BRCA2: variants seen among roughly 807,000 people sequenced by gnomAD.
The protein encoded by BRCA2 is breast cancer type 2 susceptibility protein.
A neutral mutation model predicts 276.7 loss-of-function variants in BRCA2; 203 were observed. The ratio of observed to expected loss-of-function variants is 0.73; its 90% CI spans 0.65 to 0.82. The LOEUF (loss-of-function observed/expected upper bound fraction) is 0.82, where lower values mean the gene tolerates loss of function less well. BRCA2 is among the 40% of genes least tolerant of loss of function. The probability of loss-of-function intolerance (pLI) is 0.00; values close to 1 mark genes in which losing one functional copy is unlikely to be tolerated. For missense variants in BRCA2, 3,920 were observed against 3,915.0 expected, an observed-to-expected ratio of 1.00 and a Z score of -0.03; for synonymous variants, 1,289 against 1,338.4, an observed-to-expected ratio of 0.96 and a Z score of 0.81.
intron 24 of BRCA2, among the ~76,000 whole-genome samples, chr13:32,382,197 C>G (rs1488250986): frequency 1.3e-5 from 2 of 152,056 alleles, no homozygotes; most frequent in Non-Finnish European, 2.9e-5. Flanking sequence ...CGTGATCCAC[C>G]CACCTTGGCC....
At position 32,398,793 on chromosome 13, in the gene BRCA2, A is replaced by C. The variant is rs796333934; in HGVS notation, c.*23A>C. ...TAAGCATTTGCAAAGGCGACAATAA[A>C]TTATTGACGCTTAACCTTTCCAGTT... On this transcript the variant is annotated 3_prime_UTR_variant, in exon 27 of 27. Transcript: ENST00000380152. 1.9e-6 allele frequency: 3 copies of C among 1,611,596 alleles called. No individual in the cohort carries two copies. Among genetic ancestry groups the C allele is most frequent in the Non-Finnish European group, 1.7e-6 (2 of 1,179,164 alleles).
intron 13 of BRCA2, among the ~76,000 whole-genome samples, chr13:32,351,949 G>C (rs575692110): frequency 3.0e-4 from 45 of 152,162 alleles, no homozygotes; most frequent in South Asian, 6.2e-4. Flanking sequence ...TTACAGGCGC[G>C]TGCCACCATG....
chr13:32,351,268 C>G (rs2072648682), intron 13 of BRCA2, among the ~76,000 whole-genome samples: 2 of 152,080 alleles, frequency 1.3e-5, no homozygotes, highest in Non-Finnish European at 2.9e-5. Flanking sequence ...AGCAAGACCA[C>G]GAACCCACCA....
chr13:32,315,930 T>C (rs1593880114), intron 1 of BRCA2, among the ~76,000 whole-genome samples: 1 of 152,300 alleles, frequency 6.6e-6, no homozygotes, highest in East Asian at 1.9e-4. Context: ...AAGACTTAAC[T>C]TCCCTCCCAG....
intron 4 of BRCA2, 105 bp downstream of exon 4, chr13:32,325,289 G>A (rs916691713): frequency 2.1e-5 from 18 of 850,028 alleles, no homozygotes; most frequent in Non-Finnish European, 3.3e-5. Context: ...TTGGCTAAGA[G>A]CCTGGTAGAA....
intron 20 of BRCA2, among the ~76,000 whole-genome samples, chr13:32,372,468 G>C (rs1333256162): frequency 6.6e-6 from 1 of 152,144 alleles, no homozygotes; most frequent in Admixed American, 6.5e-5. Flanking sequence ...GGCAAAGCAA[G>C]TACCCTTTTC....
Position 32,338,791 on chromosome 13 carries a change from G to A in BRCA2, c.4436G>A (p.Ser1479Asn), listed in dbSNP as rs80358678. The A allele has an allele frequency of 6.2e-7, 1 of 1,613,034 alleles. No individual in the cohort carries two copies. The highest frequency in any genetic ancestry group is 2.2e-5 in the East Asian group (1 of 44,876). ...DIRKNKMDIL[S>N]YEETDIVKHK... ...AGAAAGAACAAAATGGACATTCTAAGTTATGAGGAAACAGACATAGTTAAA... is the reference window on the plus strand; with the variant it reads ...AGAAAGAACAAAATGGACATTCTAAATTATGAGGAAACAGACATAGTTAAA... The change falls in exon 11 of 27, where the codon AGT (serine) becomes AAT (asparagine). Residue 1479 changes from serine to asparagine, a missense_variant. Coordinates refer to ENST00000380152, the MANE Select transcript of BRCA2 (RefSeq NM_000059.4).
chr13:32,394,579 A>G (rs1272086814), intron 24 of BRCA2, 110 bp from the exon 25 acceptor site: 3 of 1,332,632 alleles, frequency 2.3e-6, no homozygotes, highest in Non-Finnish European at 3.1e-6. Flanking sequence ...ATTTGCTTTT[A>G]TTATTAGCAT....
At chr13:32,335,144 G>A (rs1172024525) in intron 10 of BRCA2, among the ~76,000 whole-genome samples, 1 of 149,894 alleles carries the variant, frequency 6.7e-6, no homozygotes, top group Non-Finnish European at 1.5e-5. Context: ...AAGAGTTCAA[G>A]ACCAGCCTGG....
rs587782583 is a variant in BRCA2, at chr13:32,339,979, A to G, written c.5624A>G (p.Lys1875Arg). ...ACAGACAGTTTCAGTAAAGTAATTAAGGAAAACAACGAGAATAAATCAAAA... is the reference window on the plus strand; with the variant it reads ...ACAGACAGTTTCAGTAAAGTAATTAGGGAAAACAACGAGAATAAATCAAAA... ...IFTDSFSKVI[K>R]ENNENKSKIC... Residue 1875 changes from lysine to arginine, a missense_variant, in exon 11 of 27, where the codon AAG becomes AGG. By Grantham distance (26) the Lys-to-Arg change is conservative. Coordinates refer to ENST00000380152, the MANE Select transcript of BRCA2 (RefSeq NM_000059.4). 2 of 1,611,348 alleles carry G rather than the reference A, an allele frequency of 1.2e-6. No homozygotes were observed. Among genetic ancestry groups the G allele is most frequent in the Non-Finnish European group, 1.7e-6 (2 of 1,179,168 alleles).
rs80359253 is a variant in BRCA2, at chr13:32,332,470, A to T, written c.992A>T (p.Lys331Ile). ...QKVRTSKTRK[K>I]IFHEANADEC... The stretch of plus-strand genomic sequence containing the variant: ...GTAAGAACTAGCAAGACTAGGAAAA[A>T]AATTTTCCATGAAGCAAACGCTGAT... The change falls in exon 10 of 27, where the codon AAA (lysine) becomes ATA (isoleucine). Residue 331 changes from lysine to isoleucine, a missense_variant. This residue lies in a region of BRCA2 where 3,263 missense variants were observed against 3,156.9 expected (regional missense o/e 1.03). Transcript: ENST00000380152. 2 of 1,594,628 alleles carry T rather than the reference A, an allele frequency of 1.3e-6. No individual in the cohort carries two copies. Among genetic ancestry groups the T allele is most frequent in the Non-Finnish European group, 8.5e-7 (1 of 1,174,782 alleles).
In BRCA2 at chr13:32,376,529, A is replaced by G. The variant is rs566707999; in HGVS notation, c.8633-141A>G. 5 of 994,196 alleles carry G rather than the reference A, an allele frequency of 5.0e-6. No individual in the cohort carries two copies. The South Asian group carries it at 6.3e-5, about 13-fold the overall frequency. 61.6% of individuals were successfully genotyped at this position (994,196 alleles called of 1,614,324 possible). ...AGAGTGAGACCCTGTCTCAAAAAAA[A>G]AAAAAAGAAAAAACTTTTAGCAGTT... is the stretch of plus-strand genomic sequence containing the variant. On this transcript the variant is annotated intron_variant, in intron 20 of 26. Transcript: ENST00000380152.
chr13:32,334,661 G>A lies in BRCA2; in HGVS notation c.1909+1274G>A, dbSNP rs570682691. 1.2e-3 allele frequency among the ~76,000 whole-genome samples: 181 copies of A among 146,792 alleles called. 2 individuals carry two copies. Among genetic ancestry groups the A allele is most frequent in the African/African-American group, 4.3e-3 (170 of 39,662 alleles). ...TGCACTCCAGCCTGGGCCACAAAAT[G>A]AGACCTTGTCCCTGAAAAAAAAAAA... On this transcript the variant is annotated intron_variant, in intron 10 of 26. Transcript: ENST00000380152.
intron 24 of BRCA2, among the ~76,000 whole-genome samples, chr13:32,382,427 T>C (rs2072930721): frequency 2.6e-5 from 4 of 151,610 alleles, no homozygotes; most frequent in Non-Finnish European, 2.9e-5. Flanking sequence ...GCCAGAGAGG[T>C]TGGAGGAATA....
rs1555284357 is a variant in BRCA2, at chr13:32,340,044, T to C, written c.5689T>C (p.Leu1897=). Residue 1897 remains leucine (L), a synonymous_variant, in exon 11 of 27, where the codon TTG becomes CTG. Transcript: ENST00000380152. ...AATTATGGCAGGTTGTTACGAGGCA[T>C]TGGATGATTCAGAGGATATTCTTCA... The part of the protein sequence containing the change: ...TKIMAGCYEA[L]DDSEDILHNS... The C allele has an allele frequency of 1.2e-6, 2 of 1,613,686 alleles. No individual in the cohort carries two copies. Among genetic ancestry groups the C allele is most frequent in the Non-Finnish European group, 1.7e-6 (2 of 1,179,822 alleles).
Position 32,398,590 on chromosome 13 carries a change from A to G in BRCA2, c.10077A>G (p.Glu3359=). The change falls in exon 27 of 27, where the codon GAA becomes GAG. Residue 3359 remains glutamate, a synonymous_variant. Coordinates refer to ENST00000380152, the MANE Select transcript of BRCA2 (RefSeq NM_000059.4). ...TQALLSGSTG[E]KQFISVSEST... ...CTCTTTTGTCTGGTTCAACAGGAGA[A>G]AAACAATTTATATCTGTCAGTGAAT... 6.2e-7 allele frequency: 1 copy of G among 1,614,216 alleles called. No individual in the cohort carries two copies. The highest frequency in any genetic ancestry group is 8.5e-7 in the Non-Finnish European group (1 of 1,180,028).
chr13:32,318,579 C>T, intron 2 of BRCA2, among the ~76,000 whole-genome samples: 1 of 152,004 alleles, frequency 6.6e-6, no homozygotes, highest in East Asian at 1.9e-4. Context: ...GTAGCTGGGA[C>T]TACAGGCGTG....
At chr13:32,364,615 C>T (rs1456190693) in intron 18 of BRCA2, among the ~76,000 whole-genome samples, 5 of 142,506 alleles carry the variant, frequency 3.5e-5, no homozygotes, top group Non-Finnish European at 6.3e-5. Flanking sequence ...AATACCTAAT[C>T]GACTGTGATC....
chr13:32,319,460 C>G, intron 3 of BRCA2, 135 bp downstream of exon 3: 2 of 855,214 alleles, frequency 2.3e-6, no homozygotes, highest in East Asian at 2.7e-5. Context: ...TTTCCTCACT[C>G]GAAAAATGGA....
Sources: allele counts gnomAD v4.1 joint callset (sites outside exome capture counted in the v4.1 genomes callset), GRCh38; gene constraint gnomAD v4.1.1; regional missense constraint gnomAD v4.1.1; transcripts MANE v1.5; gene names NCBI Gene and HGNC (gene_info 2026-07-23, HGNC 2026-07-21).